The following SEC22A variants were observed in gnomAD, a reference collection of about 807,000 sequenced individuals.
The protein encoded by SEC22A is SEC22 homolog A, vesicle trafficking protein, also known as vesicle-trafficking protein SEC22a.
Under a neutral mutation model 35.3 loss-of-function variants are expected in SEC22A, and 22 were observed. That is an observed-to-expected ratio of 0.62 (90% CI 0.45 to 0.89). SEC22A has a LOEUF of 0.89. SEC22A is among the 40% of genes least tolerant of loss of function. The pLI is 0.00. For synonymous variants in SEC22A, 119 were observed against 129.5 expected (o/e 0.92, Z 0.55); for missense variants, 354 against 362.5 (o/e 0.98, Z 0.19).
At position 123,269,215 on chromosome 3, in the gene SEC22A, G is replaced by GTGTGTGTGTGTGTGTA. The variant is rs10642998; in HGVS notation, c.724-2306_724-2305insGTGTGTGTGTGTGTAT. Among the ~76,000 whole-genome samples, 249 of 136,870 alleles carry GTGTGTGTGTGTGTGTA rather than the reference G, an allele frequency of 1.8e-3. 1 individual carries two copies. The highest frequency in any genetic ancestry group is 4.9e-3 in the African/African-American group (179 of 36,238). 89.8% of individuals were successfully genotyped at this position (136,870 alleles called of 152,430 possible). ...TGTGTGTGTGTGTGTGTGTGTGTGT[G>GTGTGTGTGTGTGTGTA]TATATATTACTGGAAATGCTAGCTC... On this transcript the variant is annotated intron_variant, in intron 6 of 6. Transcript: ENST00000492595.
chr3:123,258,997 T>TA (rs757434436), intron 5 of SEC22A, among the ~76,000 whole-genome samples: 7 of 152,196 alleles, frequency 4.6e-5, no homozygotes, highest in Non-Finnish European at 1.0e-4. Context: ...CAAGACTGAT[T>TA]AGTCTTAATT....
At chr3:123,256,336 A>G (rs1937732095) in intron 5 of SEC22A, among the ~76,000 whole-genome samples, 1 of 152,246 alleles carries the variant, frequency 6.6e-6, no homozygotes, top group Admixed American at 6.5e-5. Flanking sequence ...GCTCTAGAAT[A>G]GCATGTCCCA....
At chr3:123,246,199 G>C (rs1302203709) in intron 5 of SEC22A, among the ~76,000 whole-genome samples, 185 bp downstream of exon 5, 1 of 152,160 alleles carries the variant, frequency 6.6e-6, no homozygotes, top group Non-Finnish European at 1.5e-5. Context: ...ATTGGCACAT[G>C]TTTATCATCT....
rs551570710 is a variant in SEC22A at position 123,209,535 on chromosome 3, T to G, written c.182+136T>G. ...GCATCATATTGTTCTGAACTTATAC[T>G]AAATAGTCATCATGTCAGCAGCAGC... is the stretch of plus-strand genomic sequence containing the variant. On this transcript the variant is annotated intron_variant, in intron 2 of 6. Transcript: ENST00000492595. 11 of 666,068 alleles carry G rather than the reference T, an allele frequency of 1.7e-5. No homozygotes were observed. In the East Asian group the frequency reaches 2.0e-4, roughly 12 times the overall value. The allele number at this position is 666,068 out of a possible 1,614,324, so 41.3% of individuals were successfully genotyped here.
intron 4 of SEC22A, among the ~76,000 whole-genome samples, chr3:123,233,911 T>C (rs1338445892): frequency 6.6e-6 from 1 of 152,134 alleles, no homozygotes; most frequent in Non-Finnish European, 1.5e-5. Context: ...AGAAATAAAA[T>C]AACACCATTC....
intron 4 of SEC22A, among the ~76,000 whole-genome samples, chr3:123,231,984 A>C (rs1415041842): frequency 6.6e-6 from 1 of 152,196 alleles, no homozygotes; most frequent in African/African-American, 2.4e-5. Flanking sequence ...CATGCCTGCA[A>C]CCCCAACACT....
chr3:123,206,109 A>G (rs948954627), intron 1 of SEC22A, among the ~76,000 whole-genome samples: 92 of 152,246 alleles, frequency 6.0e-4, no homozygotes, highest in African/African-American at 2.1e-3. Context: ...AATACAGTCT[A>G]CTTTTATTTT....
At chr3:123,266,537 C>T (rs1263554657) in intron 6 of SEC22A, among the ~76,000 whole-genome samples, 3 of 151,968 alleles carry the variant, frequency 2.0e-5, no homozygotes, top group Non-Finnish European at 4.4e-5. Context: ...CCTCTTTGAC[C>T]TATGGATTAT....
At chr3:123,254,212 G>C (rs190220270) in intron 5 of SEC22A, among the ~76,000 whole-genome samples, 13 of 151,840 alleles carry the variant, frequency 8.6e-5, no homozygotes, top group African/African-American at 3.1e-4. Context: ...TAAAGAGACA[G>C]GGTCTCGCTG....
intron 5 of SEC22A, among the ~76,000 whole-genome samples, chr3:123,257,745 C>A (rs574622866): frequency 6.6e-6 from 1 of 152,070 alleles, no homozygotes; most frequent in East Asian, 1.9e-4. Flanking sequence ...AATCCCAGCA[C>A]TTTGGGAGGC....
chr3:123,255,533 G>T (rs771212179), intron 5 of SEC22A, among the ~76,000 whole-genome samples: 4 of 152,048 alleles, frequency 2.6e-5, no homozygotes, highest in Non-Finnish European at 5.9e-5. Flanking sequence ...GCCTATAAGA[G>T]TTGATATTTT....
intron 2 of SEC22A, among the ~76,000 whole-genome samples, chr3:123,212,906 A>T (rs866088289): frequency 6.6e-6 from 1 of 152,188 alleles, no homozygotes; most frequent in Non-Finnish European, 1.5e-5. Flanking sequence ...GGTAATCCAT[A>T]GGATTTAGTG....
chr3:123,226,572 C>T (rs1168185755), intron 4 of SEC22A, among the ~76,000 whole-genome samples: 1 of 152,130 alleles, frequency 6.6e-6, no homozygotes, highest in Non-Finnish European at 1.5e-5. Flanking sequence ...GTTGTTTGAG[C>T]TCATTGTGTA....
chr3:123,228,518 T>A (rs1449708912), intron 4 of SEC22A, among the ~76,000 whole-genome samples: 1 of 143,370 alleles, frequency 7.0e-6, no homozygotes, highest in African/African-American at 2.6e-5. Context: ...GAGGTGGCAG[T>A]GAGCTGAGAT....
At chr3:123,253,712 CAA>C (rs550562079) in intron 5 of SEC22A, among the ~76,000 whole-genome samples, 12 of 103,210 alleles carry the variant, frequency 1.2e-4, no homozygotes, top group Admixed American at 1.9e-4. Context: ...GACTCCATCT[CAA>C]AAAAAAAAAA....
chr3:123,205,562 C>G (rs1453785544), intron 1 of SEC22A, among the ~76,000 whole-genome samples: 1 of 152,096 alleles, frequency 6.6e-6, no homozygotes, highest in Non-Finnish European at 1.5e-5. Context: ...GTGGCGGGCA[C>G]CTGTAATCCC....
Position 123,206,981 on chromosome 3 carries a change from G to A in SEC22A, c.-19-2218G>A, listed in dbSNP as rs553630790. On this transcript the variant is annotated intron_variant, in intron 1 of 6. Coordinates refer to ENST00000492595, the MANE Select transcript of SEC22A (RefSeq NM_012430.5). ...CGCATGCCTGTAATCCTAGCTACTC[G>A]CGAGGCTGAGGCATGAGAATTGCTT... Among the ~76,000 whole-genome samples the A allele has an allele frequency of 6.6e-5, 10 of 152,270 alleles. 1 individual carries two copies. Among genetic ancestry groups the A allele is most frequent in the Admixed American group, 2.0e-4 (3 of 15,300 alleles).
chr3:123,237,567 C>T (rs975034904), intron 4 of SEC22A, among the ~76,000 whole-genome samples: 3 of 152,168 alleles, frequency 2.0e-5, no homozygotes, highest in Non-Finnish European at 4.4e-5. Context: ...ATTGGGGGAG[C>T]TCAAAAACTT....
At chr3:123,227,673 A>G (rs767323048) in intron 4 of SEC22A, among the ~76,000 whole-genome samples, 9 of 152,350 alleles carry the variant, frequency 5.9e-5, no homozygotes, top group Non-Finnish European at 1.3e-4. Context: ...TTATCATTGT[A>G]TATTGACAAA....
Sources: allele counts gnomAD v4.1 joint callset (sites outside exome capture counted in the v4.1 genomes callset), GRCh38; gene constraint gnomAD v4.1.1; transcripts MANE v1.5; gene names NCBI Gene and HGNC (gene_info 2026-07-23, HGNC 2026-07-21).